MBNL2: variants seen among roughly 807,000 people sequenced by gnomAD.
MBNL2 encodes muscleblind-like protein 2.
MBNL2 carries 17 observed loss-of-function variants against 41.9 expected under a neutral mutation model. The observed-to-expected ratio is 0.41, with a 90% CI of 0.28 to 0.61. The LOEUF is 0.61. Ranked by LOEUF, MBNL2 falls within the 20% of genes least tolerant of loss-of-function variation. The pLI is 0.35. For synonymous variants in MBNL2, 195 were observed against 182.9 expected, an observed-to-expected ratio of 1.07 and a Z score of -0.53; for missense variants, 336 against 505.6, an observed-to-expected ratio of 0.66 and a Z score of 3.22.
the MBNL2 span, among the ~76,000 whole-genome samples, chr13:97,148,290 C>A: frequency 2.0e-5 from 3 of 151,942 alleles, no homozygotes; most frequent in South Asian, 2.1e-4. Flanking sequence ...GCCTGTAGGA[C>A]CTGAGAAGAA....
intron 2 of MBNL2, among the ~76,000 whole-genome samples, chr13:97,311,657 T>C (rs12876748): frequency 3.1e-4 from 46 of 148,508 alleles, no homozygotes; most frequent in East Asian, 3.0e-3. Context: ...GGATTTTTTT[T>C]CTTTTTTTTT....
intron 7 of MBNL2, among the ~76,000 whole-genome samples, chr13:97,361,262 A>C (rs1014705522): frequency 1.3e-5 from 2 of 152,236 alleles, no homozygotes; most frequent in African/African-American, 4.8e-5. Context: ...AAGTAGGAGA[A>C]ATTTGCCTAG....
the MBNL2 span, among the ~76,000 whole-genome samples, chr13:97,184,757 G>A: frequency 1.3e-5 from 2 of 152,100 alleles, no homozygotes; most frequent in African/African-American, 2.4e-5. Flanking sequence ...AGGCTGAGGC[G>A]GGCAGATCAC....
At chr13:97,368,632 A>C (rs1218847957) in intron 8 of MBNL2, among the ~76,000 whole-genome samples, 2 of 151,890 alleles carry the variant, frequency 1.3e-5, no homozygotes, top group African/African-American at 4.8e-5. Context: ...GTTCAAGCCT[A>C]GTGATTCTTT....
At chr13:97,166,591 G>T in the MBNL2 span, among the ~76,000 whole-genome samples, 5 of 152,266 alleles carry the variant, frequency 3.3e-5, no homozygotes, top group East Asian at 9.6e-4. Flanking sequence ...GCAGAAAAAT[G>T]TGAAAAGAGG....
intron 8 of MBNL2, 79 bp from the exon 9 acceptor site, chr13:97,391,243 T>C: frequency 1.4e-6 from 1 of 699,880 alleles, no homozygotes. Context: ...AAATGTCTAT[T>C]TTTGAAGAGT....
intron 3 of MBNL2, among the ~76,000 whole-genome samples, chr13:97,342,281 A>G (rs2061501539): frequency 6.6e-6 from 1 of 152,188 alleles, no homozygotes; most frequent in African/African-American, 2.4e-5. Flanking sequence ...AACAAATTTA[A>G]TAAGATTCTG....
intron 1 of MBNL2, among the ~76,000 whole-genome samples, chr13:97,235,900 A>G (rs182128786): frequency 9.6e-4 from 146 of 152,222 alleles, no homozygotes; most frequent in African/African-American, 3.1e-3. Context: ...AATCAAAACC[A>G]TATGTTCAAT....
chr13:97,348,130 A>G (rs1052498264), intron 5 of MBNL2, among the ~76,000 whole-genome samples: 13 of 142,150 alleles, frequency 9.1e-5, no homozygotes, highest in Admixed American at 1.5e-4. Context: ...GCTGGAGTGC[A>G]GTGGAATGAT....
chr13:97,179,617 A>C, the MBNL2 span: 2 of 152,344 alleles, frequency 1.3e-5, no homozygotes, highest in East Asian at 3.9e-4. Context: ...TGACCTGCTG[A>C]CATGTAAGAG....
chr13:97,372,388 T>G (rs997931410), intron 8 of MBNL2, among the ~76,000 whole-genome samples: 1 of 152,024 alleles, frequency 6.6e-6, no homozygotes, highest in African/African-American at 2.4e-5. Context: ...TTATTGGAAA[T>G]TAGTTGATAA....
At chr13:97,314,974 A>G (rs2058913516) in intron 2 of MBNL2, among the ~76,000 whole-genome samples, 1 of 152,212 alleles carries the variant, frequency 6.6e-6, no homozygotes, top group African/African-American at 2.4e-5. Flanking sequence ...AACATTGGGC[A>G]TATAGTAATA....
At chr13:97,367,414 C>A (rs2063939957) in intron 8 of MBNL2, among the ~76,000 whole-genome samples, 1 of 152,148 alleles carries the variant, frequency 6.6e-6, no homozygotes, top group Non-Finnish European at 1.5e-5. Context: ...CACAGAAGAA[C>A]AATTTTGGTT....
At chr13:97,158,568 T>G in the MBNL2 span, among the ~76,000 whole-genome samples, 1 of 151,428 alleles carries the variant, frequency 6.6e-6, no homozygotes, top group East Asian at 1.9e-4. Context: ...CTGCTTTGAA[T>G]GCGTCCCAGA....
In MBNL2 at chr13:97,357,506, CCTTTA is replaced by C; in HGVS notation, c.885_889del (p.Leu296LysfsTer6). Reference sequence around the variant, plus strand: ...GGCCTTTCCCCCTGGTGCTCTTCATCCTTTACCAAAGAGACAAGCACTTGAAAAAA... The same window carrying C: ...GGCCTTTCCCCCTGGTGCTCTTCATCCCAAAGAGACAAGCACTTGAAAAAA... On this transcript the variant is annotated frameshift_variant, in exon 7 of 9. Transcript: ENST00000679496. LOFTEE classifies it high-confidence loss of function. 6.2e-7 allele frequency: 1 copy of C among 1,614,132 alleles called. No homozygotes were observed. Among genetic ancestry groups the C allele is most frequent in the Admixed American group, 1.7e-5 (1 of 60,018 alleles).
the MBNL2 span, among the ~76,000 whole-genome samples, chr13:97,193,829 C>T: frequency 4.6e-5 from 7 of 152,274 alleles, no homozygotes; most frequent in East Asian, 1.9e-4. Context: ...CTGTCTTTCT[C>T]GAGCATCTTC....
At chr13:97,252,197 A>G (rs1328299280) in intron 1 of MBNL2, among the ~76,000 whole-genome samples, 1 of 152,206 alleles carries the variant, frequency 6.6e-6, no homozygotes, top group Non-Finnish European at 1.5e-5. Context: ...AGAAATTATT[A>G]GTAAATTTCA....
the MBNL2 span, among the ~76,000 whole-genome samples, chr13:97,173,661 A>G: frequency 6.6e-6 from 1 of 151,996 alleles, no homozygotes; most frequent in African/African-American, 2.4e-5. Flanking sequence ...TGATCCAGCC[A>G]TTTCCCTTTT....
At chr13:97,193,311 C>G in the MBNL2 span, among the ~76,000 whole-genome samples, 1 of 152,176 alleles carries the variant, frequency 6.6e-6, no homozygotes, top group South Asian at 2.1e-4. Flanking sequence ...TTGGTTCTGC[C>G]AAGTTGATGG....
Sources: gnomAD v4.1 joint callset for allele counts (sites outside exome capture counted in the v4.1 genomes callset) on GRCh38, gnomAD v4.1.1 for gene constraint, MANE v1.5 for transcripts, NCBI Gene and HGNC (gene_info 2026-07-23, HGNC 2026-07-21) for gene names.